The following ZNF81 variants were observed in gnomAD, a reference collection of about 807,000 sequenced individuals.
ZNF81 encodes zinc finger protein 81 (HFZ20).
A neutral mutation model predicts 32.3 loss-of-function variants in ZNF81; 5 were observed. The ratio of observed to expected loss-of-function variants is 0.15; its 90% CI spans 0.08 to 0.33. The LOEUF (loss-of-function observed/expected upper bound fraction) is 0.33, where lower values mean the gene tolerates loss of function less well. Ranked by LOEUF, ZNF81 falls within the 10% of genes least tolerant of loss-of-function variation. The pLI, the probability that ZNF81 is intolerant of heterozygous loss-of-function variation, is 1.00. For missense variants in ZNF81, 379 were observed against 479.8 expected, an observed-to-expected ratio of 0.79 and a Z score of 1.96; for synonymous variants, 163 against 166.8, an observed-to-expected ratio of 0.98 and a Z score of 0.17.
intron 1 of ZNF81, among the ~76,000 whole-genome samples, chrX:47,840,503 C>CTT (rs1225455438): frequency 9.8e-6 from 1 of 102,116 alleles, no homozygotes; most frequent in Non-Finnish European, 2.0e-5. Flanking sequence ...TTTTCTTTTT[C>CTT]TTTTTTTTTT....
At chrX:47,860,909 T>C (rs1603179299) in intron 2 of ZNF81, 1 of 111,590 alleles carries the variant, frequency 9.0e-6, no homozygotes, top group East Asian at 2.8e-4. Flanking sequence ...CTTTGACCCT[T>C]GTTCTTGACA....
intron 3 of ZNF81, among the ~76,000 whole-genome samples, chrX:47,888,472 G>C (rs2058651270): frequency 9.0e-6 from 1 of 111,036 alleles, no homozygotes; most frequent in African/African-American, 3.3e-5. Context: ...AGAAACACTT[G>C]AGGCCACCAG....
At chrX:47,911,550 T>C (rs1350876923) in intron 4 of ZNF81, among the ~76,000 whole-genome samples, 1 of 111,938 alleles carries the variant, frequency 8.9e-6, no homozygotes, top group East Asian at 2.8e-4. Flanking sequence ...CTTACCAATA[T>C]TAACTAATTG....
At chrX:47,853,481 A>C (rs1186289197) in intron 2 of ZNF81, among the ~76,000 whole-genome samples, 2 of 111,016 alleles carry the variant, frequency 1.8e-5, no homozygotes, top group Non-Finnish European at 3.8e-5. Flanking sequence ...TGCCCGGCCG[A>C]TTTGGCATAA....
chrX:47,879,617 A>T (rs1488261976), intron 2 of ZNF81, among the ~76,000 whole-genome samples: 1 of 112,201 alleles, frequency 8.9e-6, no homozygotes, highest in African/African-American at 3.2e-5. Flanking sequence ...ATAATGGGCA[A>T]TAAATCTGCC....
intron 4 of ZNF81, 117 bp from the exon 5 acceptor site, chrX:47,914,807 T>C (rs1556890351): frequency 2.8e-6 from 2 of 703,556 alleles, no homozygotes; most frequent in Non-Finnish European, 4.2e-6. Flanking sequence ...CCTGTCATCA[T>C]TGTCATCATG....
At chrX:47,891,917 G>T (rs1009529674) in intron 3 of ZNF81, among the ~76,000 whole-genome samples, 14 of 111,745 alleles carry the variant, frequency 1.3e-4, no homozygotes, top group Non-Finnish European at 1.9e-4. Context: ...GTGTACCAGG[G>T]TCCTTCCCTA....
At chrX:47,909,053 GCATA>G (rs1348324918) in intron 4 of ZNF81, among the ~76,000 whole-genome samples, 1 of 111,743 alleles carries the variant, frequency 8.9e-6, no homozygotes, top group Non-Finnish European at 1.9e-5. Context: ...ATATAGCTTT[GCATA>G]CATTCATTGA....
chrX:47,862,148 A>G (rs983156935), intron 2 of ZNF81, among the ~76,000 whole-genome samples: 2 of 111,161 alleles, frequency 1.8e-5, no homozygotes, highest in Admixed American at 1.9e-4. Context: ...TTCCTTACAC[A>G]CTTGCAGGTC....
intron 1 of ZNF81, among the ~76,000 whole-genome samples, chrX:47,845,609 G>GACTTA (rs1556880346): frequency 9.0e-6 from 1 of 111,686 alleles, no homozygotes; most frequent in Non-Finnish European, 1.9e-5. Flanking sequence ...GACTGGGTTT[G>GACTTA]ACTTAACACC....
chrX:47,902,878 C>G (rs996567891), intron 4 of ZNF81, among the ~76,000 whole-genome samples: 1 of 111,299 alleles, frequency 9.0e-6, no homozygotes, highest in Non-Finnish European at 1.9e-5. Context: ...ACGTGGTGAA[C>G]CCCATCTCTA....
At chrX:47,883,382 G>A in intron 2 of ZNF81, among the ~76,000 whole-genome samples, 1 of 112,111 alleles carries the variant, frequency 8.9e-6, no homozygotes, top group East Asian at 2.8e-4. Context: ...GTCTTTTGAT[G>A]AGCAGAAGTT....
chrX:47,880,389 T>C (rs1556884995), intron 2 of ZNF81, among the ~76,000 whole-genome samples: 1 of 111,945 alleles, frequency 8.9e-6, no homozygotes, highest in African/African-American at 3.2e-5. Flanking sequence ...ATTTTTTGTA[T>C]TTTTTGTACA....
chrX:47,882,163 T>TGG (rs2058623442), intron 2 of ZNF81, among the ~76,000 whole-genome samples: 1 of 110,900 alleles, frequency 9.0e-6, no homozygotes, highest in African/African-American at 3.3e-5. Flanking sequence ...GACAAGTATA[T>TGG]GTGTGTGTAT....
At chrX:47,878,934 C>A (rs1480685479) in intron 2 of ZNF81, among the ~76,000 whole-genome samples, 2 of 111,348 alleles carry the variant, frequency 1.8e-5, no homozygotes, top group Non-Finnish European at 3.8e-5. Context: ...TTGCCCTTTC[C>A]AGCCTCTAGA....
chrX:47,896,013 T>A, intron 4 of ZNF81, 73 bp downstream of exon 4: 1 of 776,311 alleles, frequency 1.3e-6, no homozygotes, highest in Non-Finnish European at 1.9e-6. Flanking sequence ...CCGATGCCTT[T>A]AAAATGCTGT....
In ZNF81 at chrX:47,914,946, T is replaced by C; in HGVS notation, c.300T>C (p.Pro100=). The C allele has an allele frequency of 8.3e-7, 1 of 1,208,264 alleles. No homozygotes were observed. ...TAGATGGGAAATTTGGAATTAAGCC[T>C]TCCCAGAGGAGAATTTCTGGGAAAT... ...SCSDGKFGIK[P]SQRRISGKST... The change falls in exon 5 of 5, where the codon CCT becomes CCC. Residue 100 remains proline (P), a synonymous_variant. Coordinates refer to ENST00000338637, the MANE Select transcript of ZNF81 (RefSeq NM_007137.5).
At chrX:47,847,452 C>G (rs1213350098) in intron 2 of ZNF81, among the ~76,000 whole-genome samples, 1 of 112,064 alleles carries the variant, frequency 8.9e-6, no homozygotes, top group Non-Finnish European at 1.9e-5. Flanking sequence ...CCCAGGTTTA[C>G]ACAGTAAATA....
intron 4 of ZNF81, among the ~76,000 whole-genome samples, chrX:47,904,367 A>T (rs1413523459): frequency 6.8e-5 from 7 of 103,313 alleles, no homozygotes; most frequent in Admixed American, 1.1e-4. Context: ...AATTTACAGG[A>T]AAAAAACAAA....
Sources: allele counts gnomAD v4.1 joint callset (sites outside exome capture counted in the v4.1 genomes callset), GRCh38; gene constraint gnomAD v4.1.1; transcripts MANE v1.5; gene names NCBI Gene and HGNC (gene_info 2026-07-23, HGNC 2026-07-21).